The following RELN variants were observed in gnomAD, a reference collection of about 807,000 sequenced individuals.
RELN encodes reelin.
In RELN, 108 loss-of-function variants were observed where a neutral mutation model predicts 427.6. That is an observed-to-expected ratio of 0.25 (90% CI 0.22 to 0.30). The LOEUF is 0.30. RELN is among the 10% of genes least tolerant of loss of function. RELN has a pLI of 1.00. For missense variants in RELN, 3,715 were observed against 4,302.8 expected (o/e 0.86, Z 3.82); for synonymous variants, 1,524 against 1,513.4 (o/e 1.01, Z -0.16).
chr7:103,710,969 A>T (rs1789781127), intron 8 of RELN, among the ~76,000 whole-genome samples: 1 of 152,182 alleles, frequency 6.6e-6, no homozygotes, highest in Non-Finnish European at 1.5e-5. Flanking sequence ...GCTTGAACCC[A>T]GGAGGCAAAG....
intron 31 of RELN, among the ~76,000 whole-genome samples, chr7:103,567,869 C>T (rs1830795895): frequency 6.6e-6 from 1 of 151,876 alleles, no homozygotes; most frequent in South Asian, 2.1e-4. Context: ...GATTACAGCT[C>T]ACTGCAACCT....
intron 10 of RELN, among the ~76,000 whole-genome samples, chr7:103,696,760 C>T (rs1486013974): frequency 1.3e-5 from 2 of 152,126 alleles, no homozygotes; most frequent in African/African-American, 4.8e-5. Context: ...GGTCTCTCTG[C>T]ATGCACTTTT....
At chr7:103,667,776 CAAA>C (rs1833302687) in intron 11 of RELN, among the ~76,000 whole-genome samples, 1 of 152,146 alleles carries the variant, frequency 6.6e-6, no homozygotes, top group Non-Finnish European at 1.5e-5. Context: ...ATTCCTTGCA[CAAA>C]GTTTATCATG....
intron 10 of RELN, among the ~76,000 whole-genome samples, chr7:103,689,461 T>C (rs1252890961): frequency 6.6e-6 from 1 of 152,070 alleles, no homozygotes; most frequent in Non-Finnish European, 1.5e-5. Flanking sequence ...TTATTAACTG[T>C]GAGTGAGCAA....
intron 1 of RELN, among the ~76,000 whole-genome samples, chr7:103,929,260 G>A (rs929641136): frequency 2.6e-5 from 4 of 152,124 alleles, no homozygotes; most frequent in East Asian, 1.9e-4. Flanking sequence ...CTGAAGAACC[G>A]AGCTCACTGC....
chr7:103,556,998 G>A lies in RELN; in HGVS notation c.5776C>T (p.Leu1926Phe). 2 of 1,613,350 alleles carry A rather than the reference G, an allele frequency of 1.2e-6. No homozygotes were observed. Among genetic ancestry groups the A allele is most frequent in the Non-Finnish European group, 1.7e-6 (2 of 1,179,250 alleles). The part of the protein sequence containing the change: ...TAQTNATRFR[L>F]WQPYNNGKKE... ...TTACCGTTATTATAAGGTTGCCAGAGTCTGAATCTTGTAGCATTGGTTTGG... is the reference window on the plus strand; with the variant it reads ...TTACCGTTATTATAAGGTTGCCAGAATCTGAATCTTGTAGCATTGGTTTGG... The change falls in exon 38 of 65, where the codon CTC becomes TTC. Residue 1926 changes from leucine to phenylalanine, a missense_variant. Leu to Phe is a conservative substitution (Grantham distance 22, BLOSUM62 0). Around this residue, in one of 4 missense-constraint regions of RELN, gnomAD observed 1,310 missense variants for 1,643.0 expected, o/e 0.80. Transcript: ENST00000428762.
At chr7:103,891,035 T>C (rs1794837993) in intron 2 of RELN, among the ~76,000 whole-genome samples, 1 of 151,902 alleles carries the variant, frequency 6.6e-6, no homozygotes, top group Admixed American at 6.6e-5. Flanking sequence ...TGAGCAGAGA[T>C]CACACCATTG....
intron 3 of RELN, among the ~76,000 whole-genome samples, chr7:103,780,456 CT>C (rs963067154): frequency 9.9e-5 from 15 of 152,148 alleles, no homozygotes; most frequent in African/African-American, 3.4e-4. Context: ...CACAGGTAAA[CT>C]TGTGTCACTG....
intron 2 of RELN, among the ~76,000 whole-genome samples, chr7:103,872,139 T>G (rs1424235919): frequency 4.9e-5 from 7 of 141,662 alleles, no homozygotes; most frequent in African/African-American, 7.6e-5. Flanking sequence ...TGTATACATG[T>G]GCCATGCTGG....
At position 103,739,566 on chromosome 7, in the gene RELN, G is replaced by A. The variant is rs78750441; in HGVS notation, c.656+9860C>T. 3.9e-3 allele frequency among the ~76,000 whole-genome samples: 599 copies of A among 152,318 alleles called. 3 individuals are homozygous for A. The highest frequency in any genetic ancestry group is 6.7e-3 in the Non-Finnish European group (453 of 68,026). Reference sequence around the variant, plus strand: ...TTGGAATTGATGCAATTCATGTTGAGCTCCAGAGGTATAGTGCTTGTGGTC... The same window carrying A: ...TTGGAATTGATGCAATTCATGTTGAACTCCAGAGGTATAGTGCTTGTGGTC... On this transcript the variant is annotated intron_variant, in intron 6 of 64. Coordinates refer to ENST00000428762, the MANE Select transcript of RELN (RefSeq NM_005045.4).
Position 103,626,705 on chromosome 7 carries a change from G to GT in RELN, c.2702+3234dup, listed in dbSNP as rs1319024174. ...GACAGCAATTTCCTTCAAACCTGTT[G>GT]TATCTAGCTGGTTTATTAGATGGGG... On this transcript the variant is annotated intron_variant, in intron 20 of 64. Transcript: ENST00000428762. The surrounding 1 kb of genome is among the most constrained non-coding windows in gnomAD (Gnocchi z 4.4). 6.6e-6 allele frequency among the ~76,000 whole-genome samples: 1 copy of GT among 152,020 alleles called. No homozygotes were observed. Among genetic ancestry groups the GT allele is most frequent in the African/African-American group, 2.4e-5 (1 of 41,386 alleles).
intron 22 of RELN, among the ~76,000 whole-genome samples, chr7:103,609,222 CA>C (rs11342938): frequency 0.35 from 42,420 of 120,172 alleles, 5,434 homozygotes; most frequent in South Asian, 0.39. Context: ...GACTCTGTCT[CA>C]AAAAAAAAAA....
At chr7:103,671,881 A>G (rs1254826680) in intron 11 of RELN, among the ~76,000 whole-genome samples, 1 of 152,144 alleles carries the variant, frequency 6.6e-6, no homozygotes, top group Admixed American at 6.6e-5. Context: ...ACATGACTGT[A>G]AAAACAAAAC....
rs185916560 is a variant in RELN at position 103,785,012 on chromosome 7, T to A, written c.474-8385A>T. ...TATGAAAAAGATGATTAGATGATAA[T>A]AATAGTCAAGACAAACATTGTTATA... On this transcript the variant is annotated intron_variant, in intron 3 of 64. Transcript: ENST00000428762. 2.0e-3 allele frequency among the ~76,000 whole-genome samples: 309 copies of A among 152,220 alleles called. 7 individuals are homozygous for A. Among genetic ancestry groups the A allele is most frequent in the Admixed American group, 0.019 (296 of 15,276 alleles).
At chr7:103,669,646 T>C (rs1223816825) in intron 11 of RELN, among the ~76,000 whole-genome samples, 1 of 151,902 alleles carries the variant, frequency 6.6e-6, no homozygotes, top group Non-Finnish European at 1.5e-5. Flanking sequence ...AGACCAGTAG[T>C]GGTTATTTGA....
chr7:103,608,762 G>T (rs997426929), intron 22 of RELN, among the ~76,000 whole-genome samples: 2 of 152,096 alleles, frequency 1.3e-5, no homozygotes, highest in African/African-American at 4.8e-5. Context: ...TTCCAGCTTG[G>T]TGTTGCTATC....
chr7:103,682,302 T>C (rs747667189), intron 10 of RELN, 41 bp from the exon 11 acceptor site: 3 of 1,608,732 alleles, frequency 1.9e-6, no homozygotes, highest in Non-Finnish European at 2.6e-6. Context: ...GTTGAATTGG[T>C]GTTGTAGCTG....
chr7:103,928,847 C>G (rs574365546), intron 1 of RELN, among the ~76,000 whole-genome samples: 4 of 152,172 alleles, frequency 2.6e-5, no homozygotes, highest in Non-Finnish European at 5.9e-5. Flanking sequence ...AATCACAGCC[C>G]TCTGGTGATG....
intron 31 of RELN, among the ~76,000 whole-genome samples, 175 bp from the exon 32 acceptor site, chr7:103,566,934 T>C (rs1030841391): frequency 2.0e-5 from 3 of 148,094 alleles, no homozygotes; most frequent in Non-Finnish European, 3.0e-5. Context: ...AATTTTTTGA[T>C]GGTTTCTAAT....
Sources: gnomAD v4.1 joint callset for allele counts (sites outside exome capture counted in the v4.1 genomes callset) on GRCh38, gnomAD v4.1.1 for gene constraint, gnomAD v4.1.1 regional missense constraint, Gnocchi (gnomAD v3.1) non-coding constraint, MANE v1.5 for transcripts, NCBI Gene and HGNC (gene_info 2026-07-23, HGNC 2026-07-21) for gene names.